CDK13: variants seen among roughly 807,000 people sequenced by gnomAD.
CDK13 encodes the protein cyclin dependent kinase 13, also known as cyclin-dependent kinase 13.
CDK13 carries 40 observed loss-of-function variants against 137.6 expected under a neutral mutation model. That is an observed-to-expected ratio of 0.29 (90% confidence interval 0.23 to 0.38). The LOEUF is 0.38. Ranked by LOEUF, CDK13 falls within the 10% of genes least tolerant of loss-of-function variation. CDK13 has a pLI of 1.00. For synonymous variants in CDK13, 869 were observed against 760.1 expected (o/e 1.14, Z -2.36); for missense variants, 1,704 against 1,951.8 (o/e 0.87, Z 2.39).
At chr7:40,056,970 GGTGGCTGGGC>G (rs2150523512) in intron 7 of CDK13, among the ~76,000 whole-genome samples, 1 of 152,262 alleles carries the variant, frequency 6.6e-6, no homozygotes, top group African/African-American at 2.4e-5. Flanking sequence ...AATCTTGAGT[GGTGGCTGGGC>G]GTGGTGGCTC....
intron 1 of CDK13, among the ~76,000 whole-genome samples, chr7:39,959,520 G>A (rs1242091861): frequency 6.6e-6 from 1 of 151,266 alleles, no homozygotes; most frequent in African/African-American, 2.4e-5. Context: ...CCAGGCTGGA[G>A]TGCAGTGGCA....
intron 5 of CDK13, among the ~76,000 whole-genome samples, chr7:40,043,004 C>T (rs895872075): frequency 5.9e-5 from 9 of 152,154 alleles, no homozygotes; most frequent in Non-Finnish European, 5.9e-5. Context: ...TCTCAAACCC[C>T]TGGCCTCAAG....
intron 9 of CDK13, chr7:40,070,067 A>C (rs1325564794): frequency 3.2e-5 from 1 of 30,832 alleles, no homozygotes; most frequent in African/African-American, 2.2e-4. Flanking sequence ...CCAAAACTAC[A>C]AAAAAAAAAA....
rs1385623975 is a variant in CDK13 at position 40,094,145 on chromosome 7, T to C, written c.3704T>C (p.Ile1235Thr). The C allele has an allele frequency of 6.2e-7, 1 of 1,613,696 alleles. No individual in the cohort carries two copies. The highest frequency in any genetic ancestry group is 8.5e-7 in the Non-Finnish European group (1 of 1,179,952). ...TTTCACTTAGGACAAGATGACCTCATCCAGCATCAAGATATGAGGATCTTG... is the reference window on the plus strand; with the variant it reads ...TTTCACTTAGGACAAGATGACCTCACCCAGCATCAAGATATGAGGATCTTG... ...STPVSGQDDL[I>T]QHQDMRILEL... Residue 1235 changes from isoleucine (I) to threonine (T), a missense_variant, in exon 14 of 14, where the codon ATC becomes ACC. Ile to Thr is a moderately conservative substitution (Grantham distance 89, BLOSUM62 -1). Transcript: ENST00000181839.
At chr7:40,024,607 T>C (rs536601058) in intron 5 of CDK13, among the ~76,000 whole-genome samples, 1 of 151,128 alleles carries the variant, frequency 6.6e-6, no homozygotes, top group Admixed American at 6.6e-5. Context: ...TGGTGTCTAC[T>C]TGGTGGTGGT....
rs201878218 is a variant in CDK13 at position 39,987,590 on chromosome 7, T to G, written c.1212-9T>G. On this transcript the variant is annotated splice_polypyrimidine_tract_variant and intron_variant, in intron 1 of 13. Transcript: ENST00000181839. Reference sequence around the variant, plus strand: ...AATTACTGATTAAATCTTAATTATTTCTCACCAGACGGTCTGGAAAATCCC... The same window carrying G: ...AATTACTGATTAAATCTTAATTATTGCTCACCAGACGGTCTGGAAAATCCC... 66 of 1,563,964 alleles carry G rather than the reference T, an allele frequency of 4.2e-5. 1 individual carries two copies. In the East Asian group the frequency reaches 1.5e-3, roughly 35 times the overall value.
At chr7:39,961,244 C>T (rs1234980765) in intron 1 of CDK13, among the ~76,000 whole-genome samples, 1 of 151,956 alleles carries the variant, frequency 6.6e-6, no homozygotes. Flanking sequence ...CTGTAGACCC[C>T]AACTACTCGG....
At position 39,976,323 on chromosome 7, in the gene CDK13, T is replaced by TCTCTCTCTCTCACACACACA; in HGVS notation, c.1212-11275_1212-11274insTCTCTCTCTCACACACACAC. On this transcript the variant is annotated intron_variant, in intron 1 of 13. Transcript: ENST00000181839. ...CTCTCTCTCTCTCTCTCTCTCTCTC[T>TCTCTCTCTCTCACACACACA]CACACACACACACACACACACACAC... is the stretch of plus-strand genomic sequence containing the variant. Among the ~76,000 whole-genome samples the TCTCTCTCTCTCACACACACA allele has an allele frequency of 5.3e-3, 210 of 39,546 alleles. 5 individuals are homozygous for TCTCTCTCTCTCACACACACA. Among genetic ancestry groups the TCTCTCTCTCTCACACACACA allele is most frequent in the Non-Finnish European group, 7.0e-3 (120 of 17,108 alleles). The allele number at this position is 39,546 out of a possible 152,430, so 25.9% of individuals were successfully genotyped here.
chr7:39,953,418 A>C (rs1399004009), intron 1 of CDK13, among the ~76,000 whole-genome samples: 1 of 152,112 alleles, frequency 6.6e-6, no homozygotes, highest in African/African-American at 2.4e-5. Context: ...TGAACAATTT[A>C]AAGTGCTTGA....
chr7:40,029,952 T>C (rs1403549441), intron 5 of CDK13, among the ~76,000 whole-genome samples: 1 of 152,136 alleles, frequency 6.6e-6, no homozygotes, highest in Non-Finnish European at 1.5e-5. Flanking sequence ...GCGCCTGGCC[T>C]AGATTAGATT....
intron 2 of CDK13, among the ~76,000 whole-genome samples, chr7:39,995,551 TC>T (rs1387568159): frequency 6.6e-6 from 1 of 152,220 alleles, no homozygotes; most frequent in African/African-American, 2.4e-5. Context: ...CTACCTGTCT[TC>T]CAGACTGTAA....
intron 2 of CDK13, among the ~76,000 whole-genome samples, chr7:39,994,770 C>T (rs940643086): frequency 6.6e-6 from 1 of 151,974 alleles, no homozygotes; most frequent in Non-Finnish European, 1.5e-5. Context: ...CTTCAGCCAC[C>T]GTTTGGCTTT....
At chr7:39,963,415 GC>G (rs1429771481) in intron 1 of CDK13, among the ~76,000 whole-genome samples, 2 of 150,978 alleles carry the variant, frequency 1.3e-5, no homozygotes, top group Non-Finnish European at 3.0e-5. Flanking sequence ...TCATGATTTG[GC>G]TCTCTGTTTG....
chr7:39,997,429 CAT>C lies in CDK13; in HGVS notation c.1872-63_1872-62del. The C allele has an allele frequency of 2.5e-6, 3 of 1,185,546 alleles. No individual in the cohort carries two copies. The East Asian group carries it at 7.0e-5, about 28-fold the overall frequency. 73.4% of individuals were successfully genotyped at this position (1,185,546 alleles called of 1,614,324 possible). A position where few individuals can be genotyped will look rare whatever the true frequency, so the allele number is the denominator to read the frequency against. On this transcript the variant is annotated intron_variant, in intron 2 of 13. Coordinates refer to ENST00000181839, the MANE Select transcript of CDK13 (RefSeq NM_003718.5). ...TGACTATTGCTACTTAAATGTAAGTCATAAGCATATTTTTATTAGTCAACAAA... is the reference window on the plus strand; with the variant it reads ...TGACTATTGCTACTTAAATGTAAGTCAAGCATATTTTTATTAGTCAACAAA...
At chr7:40,017,809 T>A (rs577713040) in intron 5 of CDK13, among the ~76,000 whole-genome samples, 80 of 151,982 alleles carry the variant, frequency 5.3e-4, no homozygotes, top group Non-Finnish European at 6.2e-4. Flanking sequence ...ATAATAGGAA[T>A]TTTTTTATAT....
chr7:40,035,090 A>G lies in CDK13; in HGVS notation c.2354-10746A>G, dbSNP rs552156803. On this transcript the variant is annotated intron_variant, in intron 5 of 13. Coordinates refer to ENST00000181839, the MANE Select transcript of CDK13 (RefSeq NM_003718.5). ...ACACAGATAAACTCTTAGAGTTTTG[A>G]TACTAATATTTTTCTAAGGATATGT... Among the ~76,000 whole-genome samples, 4 of 152,292 alleles carry G rather than the reference A, an allele frequency of 2.6e-5. No individual in the cohort carries two copies. The South Asian group carries it at 8.3e-4, about 32-fold the overall frequency.
rs1465111253 is a variant in CDK13 at position 39,997,376 on chromosome 7, TATA to T, written c.1872-115_1872-113del. 1.4e-5 allele frequency: 11 copies of T among 804,046 alleles called. No individual in the cohort carries two copies. The African/African-American group carries it at 1.9e-4, about 14-fold the overall frequency. 49.8% of individuals were successfully genotyped at this position (804,046 alleles called of 1,614,324 possible). A position where few individuals can be genotyped will look rare whatever the true frequency, so the allele number is the denominator to read the frequency against. ...TGGAAAGAAACTTGGACAATAGTCT[TATA>T]ATGTGAAATACTGTTGAATATTCAT... On this transcript the variant is annotated intron_variant, in intron 2 of 13. Coordinates refer to ENST00000181839, the MANE Select transcript of CDK13 (RefSeq NM_003718.5).
chr7:40,083,945 A>T (rs1304796791), intron 11 of CDK13, among the ~76,000 whole-genome samples: 1 of 152,230 alleles, frequency 6.6e-6, no homozygotes, highest in Non-Finnish European at 1.5e-5. Context: ...GGTAAGGACT[A>T]TGAAGAAATA....
At chr7:39,993,877 G>A (rs1479895660) in intron 2 of CDK13, among the ~76,000 whole-genome samples, 1 of 152,082 alleles carries the variant, frequency 6.6e-6, no homozygotes, top group African/African-American at 2.4e-5. Flanking sequence ...GTAAGGCTGT[G>A]TAACAATTTA....
Sources: allele counts gnomAD v4.1 joint callset (sites outside exome capture counted in the v4.1 genomes callset), GRCh38; gene constraint gnomAD v4.1.1; transcripts MANE v1.5; gene names NCBI Gene and HGNC (gene_info 2026-07-23, HGNC 2026-07-21).